Variants in MRPL1 observed in about 807,000 individuals in gnomAD.
MRPL1 encodes the protein large ribosomal subunit protein uL1m.
A neutral mutation model predicts 38.0 loss-of-function variants in MRPL1; 28 were observed. The ratio of observed to expected loss-of-function variants is 0.74; its 90% confidence interval spans 0.55 to 1.01. MRPL1 has a LOEUF of 1.01. MRPL1 is among the 50% of genes least tolerant of loss of function. MRPL1 has a pLI of 0.00. For missense variants in MRPL1, 358 were observed against 389.8 expected (o/e 0.92, Z 0.69); for synonymous variants, 123 against 126.7 (o/e 0.97, Z 0.20).
chr4:77,867,174 T>C (rs1735165962), intron 1 of MRPL1, among the ~76,000 whole-genome samples: 1 of 152,216 alleles, frequency 6.6e-6, no homozygotes, highest in Admixed American at 6.5e-5. Flanking sequence ...TGGTATTGTC[T>C]TCCCCCTCTA....
At chr4:77,937,992 A>G (rs75603904) in intron 7 of MRPL1, among the ~76,000 whole-genome samples, 6,905 of 152,264 alleles carry the variant, frequency 0.045, 195 homozygotes, top group African/African-American at 0.076. Context: ...TTTCTTTAAA[A>G]AAACAAAACA....
chr4:77,876,567 C>T (rs1377136858), intron 2 of MRPL1, among the ~76,000 whole-genome samples: 3 of 152,042 alleles, frequency 2.0e-5, no homozygotes, highest in African/African-American at 7.2e-5. Context: ...TTTTTCATGT[C>T]TGACAATGAG....
intron 7 of MRPL1, among the ~76,000 whole-genome samples, chr4:77,948,961 G>C (rs1204900746): frequency 6.6e-6 from 1 of 152,118 alleles, no homozygotes; most frequent in African/African-American, 2.4e-5. Flanking sequence ...AGTAGAGACA[G>C]GGTTTCACCG....
intron 6 of MRPL1, among the ~76,000 whole-genome samples, chr4:77,901,511 G>A (rs952668599): frequency 1.7e-4 from 25 of 150,330 alleles, no homozygotes; most frequent in African/African-American, 4.6e-4. Context: ...CAAGAGACAC[G>A]TTATAGTCAA....
intron 7 of MRPL1, among the ~76,000 whole-genome samples, chr4:77,924,038 T>A (rs888782562): frequency 2.0e-5 from 3 of 152,050 alleles, no homozygotes; most frequent in African/African-American, 7.2e-5. Flanking sequence ...CTATACTTAT[T>A]ATATGCAATG....
chr4:77,937,743 C>T (rs1381248812), intron 7 of MRPL1, among the ~76,000 whole-genome samples: 1 of 152,136 alleles, frequency 6.6e-6, no homozygotes, highest in Non-Finnish European at 1.5e-5. Context: ...GTACTGAATG[C>T]CTTTTTTCCT....
intron 7 of MRPL1, among the ~76,000 whole-genome samples, chr4:77,949,069 C>T (rs1737345019): frequency 6.6e-6 from 1 of 152,286 alleles, no homozygotes; most frequent in East Asian, 1.9e-4. Flanking sequence ...CCGTGCCCAG[C>T]CGTGAACTTT....
intron 2 of MRPL1, among the ~76,000 whole-genome samples, chr4:77,879,066 G>T (rs1413865987): frequency 1.3e-5 from 2 of 152,114 alleles, no homozygotes; most frequent in African/African-American, 4.8e-5. Context: ...ACTGCCAGGT[G>T]TTTGTCCTCT....
At chr4:77,921,977 G>A (rs1415937202) in intron 7 of MRPL1, among the ~76,000 whole-genome samples, 1 of 152,056 alleles carries the variant, frequency 6.6e-6, no homozygotes, top group Non-Finnish European at 1.5e-5. Flanking sequence ...TATGCCAGGC[G>A]TTACTCTAGA....
At chr4:77,940,020 A>G (rs6533355) in intron 7 of MRPL1, among the ~76,000 whole-genome samples, 76,387 of 151,954 alleles carry the variant, frequency 0.5, 19,664 homozygotes, top group Admixed American at 0.57. Flanking sequence ...TGCTTTGGCT[A>G]TGTGGGCTCA....
chr4:77,925,009 A>G (rs991415526), intron 7 of MRPL1, among the ~76,000 whole-genome samples: 1 of 152,190 alleles, frequency 6.6e-6, no homozygotes, highest in Non-Finnish European at 1.5e-5. Context: ...AAAGAACAGT[A>G]CAAAGAACAC....
intron 7 of MRPL1, among the ~76,000 whole-genome samples, chr4:77,919,625 G>A (rs773947140): frequency 6.6e-6 from 1 of 151,906 alleles, no homozygotes; most frequent in Non-Finnish European, 1.5e-5. Flanking sequence ...TATAAAATAC[G>A]GTATATTAGG....
At chr4:77,936,415 A>C (rs765496161) in intron 7 of MRPL1, among the ~76,000 whole-genome samples, 1 of 152,212 alleles carries the variant, frequency 6.6e-6, no homozygotes, top group Non-Finnish European at 1.5e-5. Context: ...AAAACAAAAC[A>C]AAACAAAAAA....
chr4:77,885,180 G>A (rs1348618012), intron 3 of MRPL1, 76 bp from the exon 4 acceptor site: 7 of 1,097,036 alleles, frequency 6.4e-6, no homozygotes, highest in Admixed American at 1.8e-5. Flanking sequence ...AAACATGTCC[G>A]TTCTTGTTTT....
intron 2 of MRPL1, among the ~76,000 whole-genome samples, chr4:77,882,540 A>C (rs1461195717): frequency 6.6e-6 from 1 of 152,104 alleles, no homozygotes; most frequent in Non-Finnish European, 1.5e-5. Flanking sequence ...TTAGTCTCTT[A>C]GGTTTGCTCA....
At chr4:77,886,099 T>C (rs938966836) in intron 4 of MRPL1, among the ~76,000 whole-genome samples, 1 of 152,210 alleles carries the variant, frequency 6.6e-6, no homozygotes, top group Non-Finnish European at 1.5e-5. Context: ...GTTTATGATT[T>C]TTTTTTAATC....
intron 1 of MRPL1, 45 bp downstream of exon 1, chr4:77,862,924 A>C (rs1243373498): frequency 1.2e-6 from 2 of 1,613,010 alleles, no homozygotes; most frequent in African/African-American, 2.7e-5. Context: ...TCTGGCACCG[A>C]GTCTCTGGTT....
chr4:77,864,297 C>A (rs577427542), intron 1 of MRPL1, among the ~76,000 whole-genome samples: 4 of 152,096 alleles, frequency 2.6e-5, no homozygotes, highest in Admixed American at 6.6e-5. Flanking sequence ...TTTCATGTGT[C>A]ATTTTTTCTC....
chr4:77,929,278 A>AAAAAT (rs1192065026), intron 7 of MRPL1, among the ~76,000 whole-genome samples: 1 of 94,374 alleles, frequency 1.1e-5, no homozygotes, highest in East Asian at 3.0e-4. Context: ...AAATAAAAAT[A>AAAAAT]AAAACAAAAA....
Sources: gnomAD v4.1 joint callset for allele counts (sites outside exome capture counted in the v4.1 genomes callset) on GRCh38, gnomAD v4.1.1 for gene constraint, MANE v1.5 for transcripts, NCBI Gene and HGNC (gene_info 2026-07-23, HGNC 2026-07-21) for gene names.